The following NRXN3 variants were observed in gnomAD, a reference collection of about 807,000 sequenced individuals.
NRXN3 encodes the protein neurexin 3, also known as neurexin III.
Under a neutral mutation model 137.6 loss-of-function variants are expected in NRXN3, and 32 were observed. The observed-to-expected ratio is 0.23, with a 90% CI of 0.18 to 0.31. The LOEUF (loss-of-function observed/expected upper bound fraction) is 0.31. NRXN3 is among the 10% of genes least tolerant of loss of function. NRXN3 has a pLI of 1.00. For synonymous variants in NRXN3, 798 were observed against 784.5 expected (o/e 1.02, Z -0.29); for missense variants, 1,574 against 2,062.5 (o/e 0.76, Z 4.59).
intron 9 of NRXN3, among the ~76,000 whole-genome samples, chr14:78,805,454 G>A (rs540900903): frequency 4.6e-5 from 7 of 152,062 alleles, no homozygotes; most frequent in East Asian, 1.9e-4. Flanking sequence ...AGAACACAGC[G>A]TATTGAGCAG....
chr14:79,018,672 T>C (rs888758012), intron 15 of NRXN3, among the ~76,000 whole-genome samples: 1 of 152,198 alleles, frequency 6.6e-6, no homozygotes, highest in Non-Finnish European at 1.5e-5. Context: ...AATTAATAGA[T>C]AGCAAATACA....
At chr14:78,455,650 A>G (rs570734565) in intron 4 of NRXN3, among the ~76,000 whole-genome samples, 1 of 152,206 alleles carries the variant, frequency 6.6e-6, no homozygotes, top group East Asian at 1.9e-4. Context: ...GAACGTTTTT[A>G]TTCTTTTCCA....
At chr14:79,111,902 A>C (rs969108808) in intron 15 of NRXN3, among the ~76,000 whole-genome samples, 1 of 152,162 alleles carries the variant, frequency 6.6e-6, no homozygotes, top group African/African-American at 2.4e-5. Context: ...AAATACTAAT[A>C]AGTTAATCTA....
intron 4 of NRXN3, among the ~76,000 whole-genome samples, chr14:78,320,987 A>G (rs983833456): frequency 3.3e-5 from 5 of 150,678 alleles, no homozygotes; most frequent in Non-Finnish European, 1.5e-5. Flanking sequence ...GAGGTGGCGC[A>G]TGCCTGTAAT....
intron 6 of NRXN3, among the ~76,000 whole-genome samples, chr14:78,656,191 G>C (rs1346001261): frequency 6.6e-6 from 1 of 152,172 alleles, no homozygotes; most frequent in Non-Finnish European, 1.5e-5. Flanking sequence ...TCCTGCTTTA[G>C]AGGAACTCAC....
chr14:79,608,236 G>T (rs2098048904), intron 16 of NRXN3, among the ~76,000 whole-genome samples: 1 of 152,136 alleles, frequency 6.6e-6, no homozygotes, highest in Non-Finnish European at 1.5e-5. Context: ...TGATTCTGAA[G>T]CAAATAATGG....
rs17108369 is a variant in NRXN3, at chr14:78,922,532, G to A, written c.2276-34710G>A. On this transcript the variant is annotated intron_variant, in intron 10 of 20. Transcript: ENST00000335750. ...TCCAATTTAGATGCAGATGGTATAA[G>A]GGACTTTGAATATGCTATATTATTA... Among the ~76,000 whole-genome samples the A allele has an allele frequency of 7.2e-3, 1,093 of 152,250 alleles. 24 individuals are homozygous for A. The highest frequency in any genetic ancestry group is 0.025 in the African/African-American group (1,042 of 41,536).
At chr14:78,225,974 G>GGT (rs71131635) in intron 1 of NRXN3, among the ~76,000 whole-genome samples, 2,731 of 123,676 alleles carry the variant, frequency 0.022, 50 homozygotes, top group East Asian at 0.058. Flanking sequence ...TGTGTGTGTT[G>GGT]GTGTGTGTGT....
At chr14:78,265,762 G>A (rs1444005772) in intron 2 of NRXN3, among the ~76,000 whole-genome samples, 3 of 152,190 alleles carry the variant, frequency 2.0e-5, no homozygotes. Context: ...CCAGCTGAGT[G>A]TACGTGTTAA....
At chr14:78,828,422 T>C (rs2098972925) in intron 10 of NRXN3, among the ~76,000 whole-genome samples, 1 of 152,214 alleles carries the variant, frequency 6.6e-6, no homozygotes, top group Non-Finnish European at 1.5e-5. Flanking sequence ...GGCTAACTTT[T>C]TCTGTAGATG....
At chr14:79,444,176 A>G (rs1345934617) in intron 15 of NRXN3, among the ~76,000 whole-genome samples, 4 of 152,228 alleles carry the variant, frequency 2.6e-5, no homozygotes, top group Admixed American at 2.0e-4. Flanking sequence ...GAGTTTATTT[A>G]TCCTGCTTCT....
At chr14:79,563,889 G>A (rs143334177) in intron 16 of NRXN3, among the ~76,000 whole-genome samples, 153 of 152,020 alleles carry the variant, frequency 1.0e-3, no homozygotes, top group African/African-American at 3.6e-3. Flanking sequence ...AAATAGCTGG[G>A]TCTTATTGAC....
chr14:78,312,689 G>A (rs764187503), intron 4 of NRXN3, among the ~76,000 whole-genome samples: 40 of 152,040 alleles, frequency 2.6e-4, no homozygotes, highest in Middle Eastern at 3.4e-3. Flanking sequence ...TGTCTGATGG[G>A]TTAAGTTTAG....
At chr14:78,309,467 T>G (rs2077728620) in intron 4 of NRXN3, among the ~76,000 whole-genome samples, 1 of 151,996 alleles carries the variant, frequency 6.6e-6, no homozygotes, top group Non-Finnish European at 1.5e-5. Context: ...TCCTCCACCC[T>G]CAAGTAGTCC....
chr14:79,717,149 C>G (rs775387231), intron 19 of NRXN3, among the ~76,000 whole-genome samples: 1 of 152,166 alleles, frequency 6.6e-6, no homozygotes, highest in Non-Finnish European at 1.5e-5. Context: ...GTCTTTTCTT[C>G]GTGATGCGAC....
chr14:78,391,223 T>C (rs2090727640), intron 4 of NRXN3, among the ~76,000 whole-genome samples: 1 of 152,122 alleles, frequency 6.6e-6, no homozygotes, highest in Non-Finnish European at 1.5e-5. Flanking sequence ...TGACCACACA[T>C]CTGGATTAGC....
intron 16 of NRXN3, among the ~76,000 whole-genome samples, chr14:79,484,207 A>C (rs1444299206): frequency 6.6e-6 from 1 of 152,100 alleles, no homozygotes; most frequent in African/African-American, 2.4e-5. Flanking sequence ...CCTGGGAGAA[A>C]AGAGCAGAAA....
intron 15 of NRXN3, among the ~76,000 whole-genome samples, chr14:79,289,446 C>A (rs978772215): frequency 6.6e-6 from 1 of 152,032 alleles, no homozygotes; most frequent in Non-Finnish European, 1.5e-5. Flanking sequence ...GTGGTGAAAC[C>A]CCATCTCTAC....
intron 10 of NRXN3, among the ~76,000 whole-genome samples, chr14:78,823,252 G>A (rs2098956364): frequency 6.6e-6 from 1 of 152,108 alleles, no homozygotes; most frequent in African/African-American, 2.4e-5. Context: ...GGTACTCTCT[G>A]TCTCTTATTT....
Sources: gnomAD v4.1 joint callset for allele counts (sites outside exome capture counted in the v4.1 genomes callset) on GRCh38, gnomAD v4.1.1 for gene constraint, MANE v1.5 for transcripts, NCBI Gene and HGNC (gene_info 2026-07-23, HGNC 2026-07-21) for gene names.